Variants in MDGA1 observed in about 807,000 individuals in gnomAD.
The protein encoded by MDGA1 is MAM domain containing glycosylphosphatidylinositol anchor 1, also known as MAM domain-containing glycosylphosphatidylinositol anchor protein 1.
Under a neutral mutation model 101.5 loss-of-function variants are expected in MDGA1, and 54 were observed. That is an observed-to-expected ratio of 0.53 (90% CI 0.43 to 0.67). The LOEUF (loss-of-function observed/expected upper bound fraction) is 0.67. Among genes scored for constraint, MDGA1 ranks in the 30% least tolerant of loss-of-function variants. MDGA1 has a pLI of 0.00. For missense variants in MDGA1, 1,083 were observed against 1,323.8 expected, an observed-to-expected ratio of 0.82 and a Z score of 2.82; for synonymous variants, 533 against 558.3, an observed-to-expected ratio of 0.95 and a Z score of 0.64.
chr6:37,675,910 A>G (rs11969659), intron 1 of MDGA1, among the ~76,000 whole-genome samples: 9,737 of 152,226 alleles, frequency 0.064, 996 homozygotes, highest in African/African-American at 0.22. Context: ...AAGCATACCT[A>G]TTGAACCAAG....
rs1763816192 is a variant in MDGA1, at chr6:37,631,054, T to A, written c.*6314A>T. 2 of 152,284 alleles carry A rather than the reference T, an allele frequency of 1.3e-5. No individual in the cohort carries two copies. Among genetic ancestry groups the A allele is most frequent in the Admixed American group, 6.5e-5 (1 of 15,302 alleles). The allele number at this position is 152,284 out of a possible 1,614,324, so 9.4% of individuals were successfully genotyped here. A position where few individuals can be genotyped will look rare whatever the true frequency, so the allele number is the denominator to read the frequency against. On this transcript the variant is annotated 3_prime_UTR_variant, in exon 17 of 17. Transcript: ENST00000434837. Reference sequence around the variant, plus strand: ...AAGAGGAAGGGAATTAGACTCTGCCTCTCTACAGGAAGGATAACATGGGAT... The same window carrying A: ...AAGAGGAAGGGAATTAGACTCTGCCACTCTACAGGAAGGATAACATGGGAT...
chr6:37,680,868 C>T (rs1257921000), intron 1 of MDGA1, among the ~76,000 whole-genome samples: 1 of 152,216 alleles, frequency 6.6e-6, no homozygotes, highest in Non-Finnish European at 1.5e-5. Flanking sequence ...GAGAGAGGCT[C>T]CGAGCAGGCG....
Position 37,652,018 on chromosome 6 carries a change from AGAG to A in MDGA1, c.1302_1304del (p.Ser435del), listed in dbSNP as rs911802890. The stretch of plus-strand genomic sequence containing the variant: ...GCCCCTCCAGCTGCCCACCTGTCTC[AGAG>A]GAGATGTTGACCTCGACGCTGAGGT... On this transcript the variant is annotated inframe_deletion, in exon 7 of 17. Transcript: ENST00000434837. The surrounding 1 kb of genome is among the most constrained non-coding windows in gnomAD (Gnocchi z 4.3). 11 of 1,589,806 alleles carry A rather than the reference AGAG, an allele frequency of 6.9e-6. No homozygotes were observed. Among genetic ancestry groups the A allele is most frequent in the Non-Finnish European group, 8.6e-6 (10 of 1,169,518 alleles).
Position 37,638,769 on chromosome 6 carries a change from G to A in MDGA1, c.2537-102C>T, listed in dbSNP as rs1763996240. ...TTCTCCCACCATAGCCTGCAGCCCT[G>A]TCCCTGTTGACAGGACCTCCTCCCC... On this transcript the variant is annotated intron_variant, in intron 14 of 16. Coordinates refer to ENST00000434837, the MANE Select transcript of MDGA1 (RefSeq NM_153487.4). This position sits in a 1 kb window ranked among gnomAD's most constrained non-coding sequence, Gnocchi z 4.8. 1 of 1,471,586 alleles carries A rather than the reference G, an allele frequency of 6.8e-7. No homozygotes were observed. Among genetic ancestry groups the A allele is most frequent in the East Asian group, 2.5e-5 (1 of 40,044 alleles). 91.2% of individuals were successfully genotyped at this position (1,471,586 alleles called of 1,614,324 possible). A position where few individuals can be genotyped will look rare whatever the true frequency, so the allele number is the denominator to read the frequency against.
chr6:37,680,972 A>C (rs1398463274), intron 1 of MDGA1, among the ~76,000 whole-genome samples: 2 of 146,850 alleles, frequency 1.4e-5, no homozygotes, highest in African/African-American at 2.5e-5. Context: ...CCTGTCCCCT[A>C]CTGGGGCCCA....
rs995078059 is a variant in MDGA1, at chr6:37,636,677, C to A, written c.*691G>T. The A allele has an allele frequency of 6.5e-6, 1 of 152,740 alleles. No homozygotes were observed. Among genetic ancestry groups the A allele is most frequent in the Non-Finnish European group, 1.5e-5 (1 of 68,114 alleles). 9.5% of individuals were successfully genotyped at this position (152,740 alleles called of 1,614,324 possible). ...GCTGGGTCCCTTCAAAGGGTGCACA[C>A]TGAGGAGGGAAATATGGTGTCCCAG... On this transcript the variant is annotated 3_prime_UTR_variant, in exon 17 of 17. Transcript: ENST00000434837.
Position 37,696,355 on chromosome 6 carries a change from C to T in MDGA1, c.67+390G>A, listed in dbSNP as rs1762418611. On this transcript the variant is annotated intron_variant, in intron 1 of 16. Transcript: ENST00000434837. This position sits in a 1 kb window ranked among gnomAD's most constrained non-coding sequence, Gnocchi z 5.6. ...CCCGCAAGCCGCGCGGCAACTCCGG[C>T]TCATGCATCGCTTGGCTTCCACTCC... Among the ~76,000 whole-genome samples, 1 of 152,184 alleles carries T rather than the reference C, an allele frequency of 6.6e-6. No individual in the cohort carries two copies. The highest frequency in any genetic ancestry group is 1.5e-5 in the Non-Finnish European group (1 of 68,028).
chr6:37,661,601 G>A (rs1413329820), intron 2 of MDGA1, among the ~76,000 whole-genome samples: 2 of 152,186 alleles, frequency 1.3e-5, no homozygotes, highest in Non-Finnish European at 2.9e-5. Flanking sequence ...AGCAACTTTG[G>A]CTAAAGCAGG....
chr6:37,662,634 CAA>C (rs59902841), intron 2 of MDGA1, among the ~76,000 whole-genome samples: 6 of 44,038 alleles, frequency 1.4e-4, no homozygotes, highest in African/African-American at 2.2e-4. Flanking sequence ...GACCCCATCT[CAA>C]AAAAAAAAAA....
intron 1 of MDGA1, among the ~76,000 whole-genome samples, chr6:37,666,359 C>CAAA (rs34277023): frequency 1.0e-5 from 1 of 99,866 alleles, no homozygotes; most frequent in African/African-American, 3.4e-5. Flanking sequence ...CACTCCGTCT[C>CAAA]AAAAAAAAAA....
rs911303805 is a variant in MDGA1, at chr6:37,697,452, G to T, written c.-641C>A. 1 of 152,086 alleles carries T rather than the reference G, an allele frequency of 6.6e-6. No individual in the cohort carries two copies. Among genetic ancestry groups the T allele is most frequent in the African/African-American group, 2.4e-5 (1 of 41,432 alleles). The allele number at this position is 152,086 out of a possible 1,614,324, so 9.4% of individuals were successfully genotyped here. ...CGAGGGACGAGCGCCGCGGGTCCCC[G>T]GGTCCGTGAAGTTAGCCGAGCCGCC... On this transcript the variant is annotated 5_prime_UTR_variant, in exon 1 of 17. Coordinates refer to ENST00000434837, the MANE Select transcript of MDGA1 (RefSeq NM_153487.4).
chr6:37,676,773 T>TGTAA (rs927445288), intron 1 of MDGA1, among the ~76,000 whole-genome samples: 5 of 152,112 alleles, frequency 3.3e-5, no homozygotes, highest in African/African-American at 1.2e-4. Context: ...GGCTTGTGCC[T>TGTAA]GTAATCCCAG....
At chr6:37,653,950 C>G (rs1042062494) in intron 6 of MDGA1, among the ~76,000 whole-genome samples, 5 of 151,190 alleles carry the variant, frequency 3.3e-5, no homozygotes, top group African/African-American at 1.2e-4. Context: ...CCCCATTTAG[C>G]TTTTGCAGCC....
intron 9 of MDGA1, chr6:37,648,435 G>A (rs1761264453): frequency 6.3e-6 from 1 of 158,148 alleles, no homozygotes; most frequent in African/African-American, 2.4e-5. Flanking sequence ...GGGCTGGAAG[G>A]GATGCTGCCT....
chr6:37,691,951 C>T (rs1472314541), intron 1 of MDGA1, among the ~76,000 whole-genome samples: 2 of 152,194 alleles, frequency 1.3e-5, no homozygotes, highest in African/African-American at 2.4e-5. Flanking sequence ...ATCCAGCTGG[C>T]GCCTAGGGAA....
chr6:37,689,369 C>A (rs556804129), intron 1 of MDGA1, among the ~76,000 whole-genome samples: 32 of 152,346 alleles, frequency 2.1e-4, no homozygotes, highest in Non-Finnish European at 4.4e-4. Context: ...TCATTGTCCA[C>A]CCGATTTGTC....
In MDGA1 at chr6:37,649,220, C is replaced by T. The variant is rs888692657; in HGVS notation, c.1656G>A (p.Leu552=). 3.3e-6 allele frequency: 5 copies of T among 1,509,416 alleles called. No individual in the cohort carries two copies. In the African/African-American group the frequency reaches 7.2e-5, roughly 22 times the overall value. The allele number at this position is 1,509,416 out of a possible 1,614,324, so 93.5% of individuals were successfully genotyped here. ...AGCAGCGCAGGAGCACGGGCCGGCC[C>T]AGCGCCTGGCGCACGTCCTGGGAAC... The part of the protein sequence containing the change: ...EPSSQDVRQA[L]GRPVLLRCSL... Residue 552 remains leucine (L), a synonymous_variant, in exon 9 of 17, where the codon CTG becomes CTA. Coordinates refer to ENST00000434837, the MANE Select transcript of MDGA1 (RefSeq NM_153487.4).
chr6:37,638,615 G>T lies in MDGA1; in HGVS notation c.2589C>A (p.His863Gln). The T allele has an allele frequency of 6.2e-7, 1 of 1,613,950 alleles. No individual in the cohort carries two copies. Among genetic ancestry groups the T allele is most frequent in the Non-Finnish European group, 8.5e-7 (1 of 1,179,864 alleles). Residue 863 changes from histidine to glutamine, a missense_variant, in exon 15 of 17, where the codon CAC (histidine) becomes CAA (glutamine). By Grantham distance (24) the His-to-Gln change is conservative. This residue lies in a region of MDGA1 where 657 missense variants were observed against 771.4 expected (regional missense o/e 0.85). Transcript: ENST00000434837. This position sits in a 1 kb window ranked among gnomAD's most constrained non-coding sequence, Gnocchi z 4.8. ...CCTTATTGCCACTGAGAGACCAGGC[G>T]TGCGTGTCCAGAGCCCCTTTGTTCC... ...RSRNKGALDT[H>Q]AWSLSGNKGN...
chr6:37,687,283 T>C (rs1762215496), intron 1 of MDGA1, among the ~76,000 whole-genome samples: 2 of 151,728 alleles, frequency 1.3e-5, no homozygotes, highest in Non-Finnish European at 2.9e-5. Flanking sequence ...TGATCAGGCA[T>C]GGTGGCTCAC....
Sources: allele counts gnomAD v4.1 joint callset (sites outside exome capture counted in the v4.1 genomes callset), GRCh38; gene constraint gnomAD v4.1.1; regional missense constraint gnomAD v4.1.1; non-coding constraint Gnocchi (gnomAD v3.1); transcripts MANE v1.5; gene names NCBI Gene and HGNC (gene_info 2026-07-23, HGNC 2026-07-21).